The following CACNA1E variants were observed in gnomAD, a reference collection of about 807,000 sequenced individuals.
The protein encoded by CACNA1E is voltage-dependent R-type calcium channel subunit alpha-1E.
A neutral mutation model predicts 259.2 loss-of-function variants in CACNA1E; 40 were observed. The ratio of observed to expected loss-of-function variants is 0.15; its 90% confidence interval spans 0.12 to 0.20. CACNA1E has a LOEUF of 0.20. CACNA1E is among the 10% of genes least tolerant of loss of function. The probability of loss-of-function intolerance (pLI) is 1.00; values close to 1 mark genes in which losing one functional copy is unlikely to be tolerated. For missense variants in CACNA1E, 1,874 were observed against 3,040.1 expected (o/e 0.62, Z 9.02); for synonymous variants, 1,104 against 1,138.5 (o/e 0.97, Z 0.61).
At chr1:181,464,070 A>T (rs1661994432) in intron 2 of CACNA1E, among the ~76,000 whole-genome samples, 1 of 152,050 alleles carries the variant, frequency 6.6e-6, no homozygotes. Context: ...GGCAATTCTT[A>T]TCTGCTGTTT....
intron 2 of CACNA1E, among the ~76,000 whole-genome samples, chr1:181,449,287 C>T (rs940806857): frequency 6.6e-6 from 1 of 152,176 alleles, no homozygotes; most frequent in Non-Finnish European, 1.5e-5. Flanking sequence ...CCCTGAGATG[C>T]CTGCCACAGT....
intron 2 of CACNA1E, among the ~76,000 whole-genome samples, chr1:181,418,441 T>A (rs1450725681): frequency 6.6e-6 from 1 of 152,218 alleles, no homozygotes; most frequent in African/African-American, 2.4e-5. Context: ...TCACCAGTGC[T>A]TACTTCCTAG....
intron 1 of CACNA1E, among the ~76,000 whole-genome samples, chr1:181,380,641 TAAC>T (rs2101993594): frequency 6.6e-6 from 1 of 152,258 alleles, no homozygotes; most frequent in Admixed American, 6.5e-5. Flanking sequence ...ATTAAAACCT[TAAC>T]AAGGCACCAC....
intron 7 of CACNA1E, among the ~76,000 whole-genome samples, chr1:181,664,684 C>T (rs908998914): frequency 6.6e-6 from 1 of 152,066 alleles, no homozygotes; most frequent in South Asian, 2.1e-4. Flanking sequence ...GAAGCAGAGG[C>T]AGTGTCAGGA....
At chr1:181,464,600 CTTT>C (rs776645859) in intron 2 of CACNA1E, among the ~76,000 whole-genome samples, 2 of 132,812 alleles carry the variant, frequency 1.5e-5, no homozygotes, top group Non-Finnish European at 3.3e-5. Flanking sequence ...CTGTGAGTGG[CTTT>C]TTTTTTTTTT....
chr1:181,326,408 G>C (rs552420511), intron 1 of CACNA1E, among the ~76,000 whole-genome samples: 1 of 152,300 alleles, frequency 6.6e-6, no homozygotes, highest in Admixed American at 6.5e-5. Flanking sequence ...ATTCACAATA[G>C]ACTGCTGAGA....
At chr1:181,489,438 T>G (rs556679261) in intron 1 of CACNA1E, among the ~76,000 whole-genome samples, 20 of 152,356 alleles carry the variant, frequency 1.3e-4, no homozygotes, top group African/African-American at 4.6e-4. Context: ...GAGGACCAAC[T>G]TCAGGAATCT....
At chr1:181,438,210 G>T (rs765519770) in intron 2 of CACNA1E, among the ~76,000 whole-genome samples, 4 of 152,208 alleles carry the variant, frequency 2.6e-5, no homozygotes, top group Non-Finnish European at 5.9e-5. Flanking sequence ...AACATGATAT[G>T]CACGGCCACT....
At chr1:181,775,314 C>T (rs1659881404) in intron 37 of CACNA1E, among the ~76,000 whole-genome samples, 2 of 152,298 alleles carry the variant, frequency 1.3e-5, no homozygotes, top group South Asian at 4.1e-4. Context: ...GTGAGCAGGG[C>T]AGCCAGGAAA....
intron 1 of CACNA1E, among the ~76,000 whole-genome samples, chr1:181,365,059 C>A (rs1287272884): frequency 6.6e-6 from 1 of 152,230 alleles, no homozygotes; most frequent in East Asian, 1.9e-4. Flanking sequence ...GGTAGCAGCA[C>A]TGAGCACGTG....
chr1:181,794,929 C>T lies in CACNA1E; in HGVS notation c.6093C>T (p.Ser2031=). The T allele has an allele frequency of 2.5e-6, 4 of 1,613,920 alleles. No individual in the cohort carries two copies. The highest frequency in any genetic ancestry group is 3.4e-6 in the Non-Finnish European group (4 of 1,179,836). Residue 2031 remains serine (S), a synonymous_variant, in exon 46 of 48, where the codon TCC becomes TCT. Coordinates refer to ENST00000367573, the MANE Select transcript of CACNA1E (RefSeq NM_001205293.3). ...CTATTCGGGATAAGCGTTCAAATTCCTCGTGGTTGGAGGAATTCTCCATGG... is the reference window on the plus strand; with the variant it reads ...CTATTCGGGATAAGCGTTCAAATTCTTCGTGGTTGGAGGAATTCTCCATGG... The part of the protein sequence containing the change: ...FSTIRDKRSN[S]SWLEEFSMER...
intron 6 of CACNA1E, among the ~76,000 whole-genome samples, chr1:181,643,255 G>A (rs1657965128): frequency 6.6e-6 from 1 of 152,198 alleles, no homozygotes; most frequent in African/African-American, 2.4e-5. Context: ...AGAGGATCCG[G>A]CATCTCCCTG....
chr1:181,507,433 A>T (rs1161960420), intron 1 of CACNA1E, among the ~76,000 whole-genome samples: 4 of 152,200 alleles, frequency 2.6e-5, no homozygotes, highest in Non-Finnish European at 5.9e-5. Context: ...AGGTCCTTAT[A>T]GGGAGCAATA....
chr1:181,363,225 A>G (rs1427566873), intron 1 of CACNA1E, among the ~76,000 whole-genome samples: 1 of 152,208 alleles, frequency 6.6e-6, no homozygotes, highest in African/African-American at 2.4e-5. Flanking sequence ...GAAGATGAGA[A>G]GTAGATATGG....
intron 2 of CACNA1E, among the ~76,000 whole-genome samples, chr1:181,440,736 A>G (rs1392214677): frequency 6.6e-6 from 1 of 151,992 alleles, no homozygotes; most frequent in Non-Finnish European, 1.5e-5. Context: ...GCTGCGGTGG[A>G]TCCAGGCTGG....
At chr1:181,523,580 C>G in intron 3 of CACNA1E, among the ~76,000 whole-genome samples, 1 of 152,134 alleles carries the variant, frequency 6.6e-6, no homozygotes, top group Admixed American at 6.5e-5. Flanking sequence ...TCAATGTCTC[C>G]ATCTGCATAG....
At chr1:181,567,150 A>G (rs1649921419) in intron 3 of CACNA1E, among the ~76,000 whole-genome samples, 1 of 152,192 alleles carries the variant, frequency 6.6e-6, no homozygotes, top group Non-Finnish European at 1.5e-5. Flanking sequence ...GCATATATTG[A>G]GACCACTTCA....
At chr1:181,443,888 A>G (rs1660649180) in intron 2 of CACNA1E, among the ~76,000 whole-genome samples, 1 of 152,232 alleles carries the variant, frequency 6.6e-6, no homozygotes, top group Non-Finnish European at 1.5e-5. Context: ...GCTTTGATGA[A>G]TCCTCAAAAT....
At chr1:181,703,267 G>A (rs4652675) in intron 7 of CACNA1E, among the ~76,000 whole-genome samples, 93,542 of 152,102 alleles carry the variant, frequency 0.61, 30,320 homozygotes, top group East Asian at 0.79. Context: ...GCTACTTGGA[G>A]CACCTACTAT....
Sources: allele counts gnomAD v4.1 joint callset (sites outside exome capture counted in the v4.1 genomes callset), GRCh38; gene constraint gnomAD v4.1.1; transcripts MANE v1.5; gene names NCBI Gene and HGNC (gene_info 2026-07-23, HGNC 2026-07-21).